WASHC5: variants seen among roughly 807,000 people sequenced by gnomAD.
The protein encoded by WASHC5 is WASH complex subunit strumpellin.
In WASHC5, 101 loss-of-function variants were observed where a neutral mutation model predicts 150.4. The observed-to-expected ratio is 0.67, with a 90% CI of 0.57 to 0.79. WASHC5 has a LOEUF of 0.79. Among genes scored for constraint, WASHC5 ranks in the 30% least tolerant of loss-of-function variants. The pLI is 0.00. For missense variants in WASHC5, 1,195 were observed against 1,396.3 expected (o/e 0.86, Z 2.30); for synonymous variants, 467 against 491.2 (o/e 0.95, Z 0.65).
chr8:125,061,194 T>C lies in WASHC5; in HGVS notation c.1409A>G (p.Glu470Gly). 1 of 1,495,748 alleles carries C rather than the reference T, an allele frequency of 6.7e-7. No homozygotes were observed. The highest frequency in any genetic ancestry group is 9.3e-7 in the Non-Finnish European group (1 of 1,072,632). The allele number at this position is 1,495,748 out of a possible 1,614,324, so 92.7% of individuals were successfully genotyped here. A position where few individuals can be genotyped will look rare whatever the true frequency, so the allele number is the denominator to read the frequency against. The change falls in exon 12 of 29, where the codon GAA becomes GGA. Residue 470 changes from glutamate (E) to glycine (G), a missense_variant and splice_region_variant. Glu to Gly is a moderately conservative substitution (Grantham distance 98). This residue lies in a region of WASHC5 where 997 missense variants were observed against 1,168.1 expected (regional missense o/e 0.85). Coordinates refer to ENST00000318410, the MANE Select transcript of WASHC5 (RefSeq NM_014846.4). The stretch of plus-strand genomic sequence containing the variant: ...CTCTCTGAACCAAGCTTGAAGGTTT[T>C]CTAGTAATACAGAAATAAGAAAATA... ...VKPLTRVEKN[E>G]NLQAWFREIS...
intron 1 of WASHC5, among the ~76,000 whole-genome samples, chr8:125,085,162 G>A (rs532154583): frequency 3.9e-5 from 6 of 152,268 alleles, no homozygotes; most frequent in South Asian, 2.1e-4. Flanking sequence ...AAAAATCAGA[G>A]AGATGAAGTG....
intron 12 of WASHC5, among the ~76,000 whole-genome samples, chr8:125,060,071 A>G (rs1203075962): frequency 6.6e-6 from 1 of 152,260 alleles, no homozygotes; most frequent in Non-Finnish European, 1.5e-5. Context: ...AAAACCTTGC[A>G]GAAATAAGAA....
chr8:125,036,508 A>G (rs2129980083), intron 26 of WASHC5, among the ~76,000 whole-genome samples: 1 of 152,160 alleles, frequency 6.6e-6, no homozygotes, highest in Non-Finnish European at 1.5e-5. Flanking sequence ...CTGTTGCTAC[A>G]AAAAATACAA....
intron 26 of WASHC5, among the ~76,000 whole-genome samples, chr8:125,033,553 CTT>C (rs113736246): frequency 9.8e-5 from 14 of 143,178 alleles, no homozygotes; most frequent in Non-Finnish European, 1.5e-4. Flanking sequence ...GCAGAGATTT[CTT>C]TTTTTTTTTT....
intron 27 of WASHC5, 50 bp downstream of exon 27, chr8:125,032,191 T>C (rs769612139): frequency 1.5e-5 from 24 of 1,603,010 alleles, no homozygotes; most frequent in Non-Finnish European, 2.0e-5. Context: ...GAGGTTTAAG[T>C]TAGGTTTTGT....
At chr8:125,031,846 A>G (rs1248568881) in intron 27 of WASHC5, among the ~76,000 whole-genome samples, 1 of 152,168 alleles carries the variant, frequency 6.6e-6, no homozygotes, top group Non-Finnish European at 1.5e-5. Context: ...TGACACACTG[A>G]TATGTTCTCT....
chr8:125,076,369 A>G lies in WASHC5; in HGVS notation c.843T>C (p.Asp281=). Residue 281 remains aspartate (D), a synonymous_variant, in exon 7 of 29, where the codon GAT becomes GAC. Coordinates refer to ENST00000318410, the MANE Select transcript of WASHC5 (RefSeq NM_014846.4). ...THQAKMREIV[D]KYFPDNWVIS... ...TTGCCCAATTATCTGGAAAGTATTT[A>G]TCCACTATCTCTCTCATTTTTGCTT... 3 of 1,614,024 alleles carry G rather than the reference A, an allele frequency of 1.9e-6. No individual in the cohort carries two copies. The highest frequency in any genetic ancestry group is 2.2e-5 in the East Asian group (1 of 44,874).
intron 28 of WASHC5, among the ~76,000 whole-genome samples, chr8:125,028,249 G>T (rs1345088666): frequency 6.6e-6 from 1 of 152,182 alleles, no homozygotes; most frequent in Non-Finnish European, 1.5e-5. Flanking sequence ...ACTTAACTGT[G>T]CTTGCTGTGG....
Position 125,024,594 on chromosome 8 carries a change from C to T in WASHC5, c.*23G>A, listed in dbSNP as rs774068159. ...TGGGAAGATCTAAGGACAATCCTTC[C>T]ATTGAAGAAGTAGGAAAAACAGTTA... On this transcript the variant is annotated 3_prime_UTR_variant, in exon 29 of 29. Coordinates refer to ENST00000318410, the MANE Select transcript of WASHC5 (RefSeq NM_014846.4). 2.6e-5 allele frequency: 41 copies of T among 1,558,314 alleles called. No homozygotes were observed. In the African/African-American group the frequency reaches 5.4e-4, roughly 21 times the overall value.
At chr8:125,044,901 C>G (rs1415074430) in intron 20 of WASHC5, 2 of 624,500 alleles carry the variant, frequency 3.2e-6, no homozygotes, top group African/African-American at 1.8e-5. Context: ...GTCTGACCCC[C>G]TTTTCCTGCC....
intron 17 of WASHC5, among the ~76,000 whole-genome samples, chr8:125,051,847 A>C (rs1816250288): frequency 6.6e-6 from 1 of 152,152 alleles, no homozygotes; most frequent in South Asian, 2.1e-4. Flanking sequence ...GCACCATTGT[A>C]CTCCAGCCTG....
chr8:125,036,804 G>T (rs1815721200), intron 26 of WASHC5, among the ~76,000 whole-genome samples: 1 of 152,174 alleles, frequency 6.6e-6, no homozygotes, highest in African/African-American at 2.4e-5. Flanking sequence ...GAGGTCAGGA[G>T]TTCGAGACCA....
intron 9 of WASHC5, among the ~76,000 whole-genome samples, chr8:125,072,359 G>GA (rs755303939): frequency 9.2e-6 from 1 of 108,648 alleles, no homozygotes; most frequent in African/African-American, 3.4e-5. Context: ...AAGTGGGGGG[G>GA]GGGGGCGGGC....
intron 20 of WASHC5, 23 bp downstream of exon 20, chr8:125,047,184 C>G (rs1240066473): frequency 6.2e-7 from 1 of 1,613,674 alleles, no homozygotes; most frequent in Non-Finnish European, 8.5e-7. Flanking sequence ...ATTCAGGGCT[C>G]TGTAGAATTC....
intron 17 of WASHC5, among the ~76,000 whole-genome samples, chr8:125,054,521 G>A (rs1239501797): frequency 6.6e-6 from 1 of 152,198 alleles, no homozygotes; most frequent in Non-Finnish European, 1.5e-5. Flanking sequence ...ATGCCCCAGT[G>A]ATGATAGTGG....
At position 125,067,717 on chromosome 8, in the gene WASHC5, A is replaced by C; in HGVS notation, c.1153T>G (p.Cys385Gly). Reference protein sequence around the residue: ...WLMLHTADSACDPNNKRLRQI... With the variant: ...WLMLHTADSAGDPNNKRLRQI... The stretch of plus-strand genomic sequence containing the variant: ...CGAAGGCGTTTGTTGTTTGGGTCAC[A>C]GGCTAGAAACAGGAAAAGTGTTACC... Residue 385 changes from cysteine (C) to glycine (G), a missense_variant and splice_region_variant, in exon 10 of 29, where the codon TGT becomes GGT. Coordinates refer to ENST00000318410, the MANE Select transcript of WASHC5 (RefSeq NM_014846.4). 6.2e-7 allele frequency: 1 copy of C among 1,613,688 alleles called. No homozygotes were observed. The highest frequency in any genetic ancestry group is 8.5e-7 in the Non-Finnish European group (1 of 1,179,686).
intron 9 of WASHC5, 110 bp from the exon 10 acceptor site, chr8:125,067,829 G>A: frequency 8.7e-7 from 1 of 1,150,630 alleles, no homozygotes; most frequent in Non-Finnish European, 1.3e-6. Context: ...AAAGTAATAA[G>A]CAAAATGTAT....
At chr8:125,039,671 A>G in intron 24 of WASHC5, 124 bp downstream of exon 24, 1 of 711,364 alleles carries the variant, frequency 1.4e-6, no homozygotes, top group Non-Finnish European at 2.6e-6. Flanking sequence ...CGTGGCAAGG[A>G]AGCCTGTAAA....
At position 125,089,452 on chromosome 8, in the gene WASHC5, T is replaced by C. The variant is rs564825234; in HGVS notation, c.-125+2163A>G. 2.5e-4 allele frequency among the ~76,000 whole-genome samples: 38 copies of C among 152,308 alleles called. No individual in the cohort carries two copies. The South Asian group carries it at 2.7e-3, about 11-fold the overall frequency. ...TTTTAAGCAAGTTTACAAATTTGTA[T>C]TGGGGCACATTCAAAGCCATTCTGG... On this transcript the variant is annotated intron_variant, in intron 1 of 28. Transcript: ENST00000318410.
Sources: gnomAD v4.1 joint callset for allele counts (sites outside exome capture counted in the v4.1 genomes callset) on GRCh38, gnomAD v4.1.1 for gene constraint, gnomAD v4.1.1 regional missense constraint, MANE v1.5 for transcripts, NCBI Gene and HGNC (gene_info 2026-07-23, HGNC 2026-07-21) for gene names.